DUSP16: variants seen among roughly 807,000 people sequenced by gnomAD.
DUSP16 encodes the protein dual specificity phosphatase 16.
Under a neutral mutation model 58.3 loss-of-function variants are expected in DUSP16, and 21 were observed. The observed-to-expected ratio is 0.36, with a 90% confidence interval of 0.26 to 0.52. DUSP16 has a LOEUF of 0.52. Among genes scored for constraint, DUSP16 ranks in the 20% least tolerant of loss-of-function variants. The pLI, the probability that DUSP16 is intolerant of heterozygous loss-of-function variation, is 0.94. For synonymous variants in DUSP16, 320 were observed against 323.8 expected (o/e 0.99, Z 0.12); for missense variants, 726 against 819.0 (o/e 0.89, Z 1.39).
At position 12,517,728 on chromosome 12, in the gene DUSP16, C is replaced by T. The variant is rs556097133; in HGVS notation, c.367+2134G>A. On this transcript the variant is annotated intron_variant, in intron 3 of 6. Coordinates refer to ENST00000298573, the MANE Select transcript of DUSP16 (RefSeq NM_030640.3). ...AAACAAGCAATTCAGACTCTGAAGT[C>T]ACCTCCTAAGCTAATAGAAACACAG... 7.5e-4 allele frequency among the ~76,000 whole-genome samples: 114 copies of T among 152,320 alleles called. 3 individuals are homozygous for T. The South Asian group carries it at 0.024, about 32-fold the overall frequency.
intron 1 of DUSP16, among the ~76,000 whole-genome samples, chr12:12,556,389 T>C (rs958712974): frequency 6.6e-6 from 1 of 151,770 alleles, no homozygotes; most frequent in Non-Finnish European, 1.5e-5. Context: ...GAGACCCCCA[T>C]CTCTATAAAA....
Position 12,480,369 on chromosome 12 carries a change from A to C in DUSP16, c.692-23T>G, listed in dbSNP as rs186923562. 45 of 1,609,000 alleles carry C rather than the reference A, an allele frequency of 2.8e-5. No individual in the cohort carries two copies. The Admixed American group carries it at 6.4e-4, about 23-fold the overall frequency. On this transcript the variant is annotated intron_variant, in intron 5 of 6. Transcript: ENST00000298573. Reference sequence around the variant, plus strand: ...TCTCTGTATAAGTCAAATGCAAGAAAGGTCACTACTAACTATTTTGTTCAG... The same window carrying C: ...TCTCTGTATAAGTCAAATGCAAGAACGGTCACTACTAACTATTTTGTTCAG...
rs989488484 is a variant in DUSP16, at chr12:12,474,045, G to A, written c.*2788C>T. Among the ~76,000 whole-genome samples the A allele has an allele frequency of 6.6e-6, 1 of 152,116 alleles. No individual in the cohort carries two copies. On this transcript the variant is annotated 3_prime_UTR_variant, in exon 7 of 7. Coordinates refer to ENST00000298573, the MANE Select transcript of DUSP16 (RefSeq NM_030640.3). ...GCACTAAACTGTTAGCTAATCATCC[G>A]GTGTTCCATGTGAATGACAGAACAC...
At position 12,562,339 on chromosome 12, in the gene DUSP16, G is replaced by GA. The variant is rs1944919300; in HGVS notation, c.-589_-588insT. ...GGGGTGGGTTGGGGCGGGAGGCTTA[G>GA]GAAGAGAGGAGACGCTCGCAACTTT... On this transcript the variant is annotated 5_prime_UTR_variant, in exon 1 of 7. Coordinates refer to ENST00000298573, the MANE Select transcript of DUSP16 (RefSeq NM_030640.3). 3 of 151,626 alleles carry GA rather than the reference G, an allele frequency of 2.0e-5. No individual in the cohort carries two copies. The highest frequency in any genetic ancestry group is 2.0e-4 in the Admixed American group (3 of 15,250). The allele number at this position is 151,626 out of a possible 1,614,324, so 9.4% of individuals were successfully genotyped here.
intron 1 of DUSP16, among the ~76,000 whole-genome samples, chr12:12,530,009 C>A (rs1191498237): frequency 6.6e-6 from 1 of 152,166 alleles, no homozygotes; most frequent in South Asian, 2.1e-4. Flanking sequence ...GGTATGCAAA[C>A]ATCTCATTTT....
intron 1 of DUSP16, among the ~76,000 whole-genome samples, chr12:12,533,777 ACTAAAATG>A (rs1219990144): frequency 6.6e-6 from 1 of 152,090 alleles, no homozygotes; most frequent in African/African-American, 2.4e-5. Context: ...CAACTCATCT[ACTAAAATG>A]CTAAAATGGC....
At chr12:12,546,269 G>A (rs974444262) in intron 1 of DUSP16, among the ~76,000 whole-genome samples, 3 of 152,078 alleles carry the variant, frequency 2.0e-5, no homozygotes, top group African/African-American at 7.2e-5. Context: ...CCTGTGTTTC[G>A]TGGTTGTGTT....
chr12:12,502,550 A>ATT lies in DUSP16; in HGVS notation c.368-1870_368-1869dup, dbSNP rs58116968. On this transcript the variant is annotated intron_variant, in intron 3 of 6. Transcript: ENST00000298573. Reference sequence around the variant, plus strand: ...CTGCACCTTACAGTTTCATGGTTTCATTTTTTTTTTTTTTTTTTGAGACGA... The same window carrying ATT: ...CTGCACCTTACAGTTTCATGGTTTCATTTTTTTTTTTTTTTTTTTTGAGACGA... Among the ~76,000 whole-genome samples, 82 of 130,898 alleles carry ATT rather than the reference A, an allele frequency of 6.3e-4. 2 individuals carry two copies. In the Middle Eastern group the frequency reaches 0.011, roughly 18 times the overall value. 85.9% of individuals were successfully genotyped at this position (130,898 alleles called of 152,430 possible).
intron 1 of DUSP16, among the ~76,000 whole-genome samples, chr12:12,555,087 T>C (rs1260708018): frequency 6.6e-6 from 1 of 152,160 alleles, no homozygotes; most frequent in African/African-American, 2.4e-5. Flanking sequence ...ACATATACCT[T>C]AGTATTCTGA....
chr12:12,488,222 T>C (rs968019627), intron 4 of DUSP16, among the ~76,000 whole-genome samples: 1 of 151,742 alleles, frequency 6.6e-6, no homozygotes, highest in Non-Finnish European at 1.5e-5. Flanking sequence ...TAGAAGGCCC[T>C]GTCCTTCTTC....
At chr12:12,538,061 G>C (rs1190092836) in intron 1 of DUSP16, among the ~76,000 whole-genome samples, 1 of 152,162 alleles carries the variant, frequency 6.6e-6, no homozygotes, top group Non-Finnish European at 1.5e-5. Flanking sequence ...TGATTCGTGG[G>C]TCTAGAGTGG....
At chr12:12,489,233 A>G (rs1943727943) in intron 4 of DUSP16, among the ~76,000 whole-genome samples, 1 of 152,226 alleles carries the variant, frequency 6.6e-6, no homozygotes, top group African/African-American at 2.4e-5. Flanking sequence ...CCAGAGCCCA[A>G]GTCTTCTGAT....
chr12:12,544,025 CA>C (rs1021603557), intron 1 of DUSP16, among the ~76,000 whole-genome samples: 5 of 151,946 alleles, frequency 3.3e-5, no homozygotes, highest in African/African-American at 1.2e-4. Flanking sequence ...TGCCAATAAG[CA>C]TACACAAATC....
intron 1 of DUSP16, among the ~76,000 whole-genome samples, chr12:12,560,479 T>TA (rs1041338833): frequency 1.3e-5 from 2 of 152,102 alleles, no homozygotes; most frequent in Non-Finnish European, 2.9e-5. Flanking sequence ...TTAGCCAAAT[T>TA]AAAAAAAATT....
In DUSP16 at chr12:12,475,039, TCCCCATAA is replaced by T. The variant is rs1943397767; in HGVS notation, c.*1786_*1793del. On this transcript the variant is annotated 3_prime_UTR_variant, in exon 7 of 7. Transcript: ENST00000298573. ...CTAGTGAGGTCTGTGCGGCTCATCA[TCCCCATAA>T]CCAAGTCGGTCTGTGTTGAGTCATA... 6.6e-6 allele frequency: 1 copy of T among 152,168 alleles called. No individual in the cohort carries two copies. Among genetic ancestry groups the T allele is most frequent in the Non-Finnish European group, 1.5e-5 (1 of 68,036 alleles). The allele number at this position is 152,168 out of a possible 1,614,324, so 9.4% of individuals were successfully genotyped here. A position where few individuals can be genotyped will look rare whatever the true frequency, so the allele number is the denominator to read the frequency against.
intron 1 of DUSP16, among the ~76,000 whole-genome samples, chr12:12,561,879 C>G (rs1039529004): frequency 2.0e-5 from 3 of 150,664 alleles, no homozygotes; most frequent in African/African-American, 7.3e-5. Flanking sequence ...AGCCTCCGGC[C>G]AGGCCTACAC....
At chr12:12,495,883 G>A (rs367632189) in intron 4 of DUSP16, among the ~76,000 whole-genome samples, 13 of 152,344 alleles carry the variant, frequency 8.5e-5, no homozygotes, top group Admixed American at 7.8e-4. Flanking sequence ...CTAGTAGGCT[G>A]CATAGTCTAC....
chr12:12,551,331 C>T (rs1944722925), intron 1 of DUSP16, among the ~76,000 whole-genome samples: 1 of 151,784 alleles, frequency 6.6e-6, no homozygotes, highest in Admixed American at 6.6e-5. Flanking sequence ...GCGAAACCCC[C>T]ATCTCTACTA....
intron 3 of DUSP16, among the ~76,000 whole-genome samples, chr12:12,504,920 A>G (rs1022823392): frequency 3.3e-5 from 5 of 152,174 alleles, no homozygotes; most frequent in Admixed American, 6.5e-5. Context: ...ATTCCAATAA[A>G]TGTTCTCAAA....
Sources: gnomAD v4.1 joint callset for allele counts (sites outside exome capture counted in the v4.1 genomes callset) on GRCh38, gnomAD v4.1.1 for gene constraint, MANE v1.5 for transcripts, NCBI Gene and HGNC (gene_info 2026-07-23, HGNC 2026-07-21) for gene names.